NAALADL2: variants seen among roughly 807,000 people sequenced by gnomAD.
The protein encoded by NAALADL2 is N-acetylated alpha-linked acidic dipeptidase like 2.
Under a neutral mutation model 87.2 loss-of-function variants are expected in NAALADL2, and 76 were observed. That is an observed-to-expected ratio of 0.87 (90% CI 0.72 to 1.05). NAALADL2 has a LOEUF of 1.05. Ranked by LOEUF, NAALADL2 falls within the 50% of genes least tolerant of loss-of-function variation. NAALADL2 has a pLI of 0.00. For missense variants in NAALADL2, 1,089 were observed against 945.8 expected, an observed-to-expected ratio of 1.15 and a Z score of -1.99; for synonymous variants, 354 against 331.0, an observed-to-expected ratio of 1.07 and a Z score of -0.75.
chr3:174,710,872 C>A (rs1730561493), intron 2 of NAALADL2, among the ~76,000 whole-genome samples: 1 of 152,170 alleles, frequency 6.6e-6, no homozygotes, highest in African/African-American at 2.4e-5. Flanking sequence ...TTCAGCCTTG[C>A]TATTTACTGA....
At chr3:174,544,372 CTA>C (rs901238754) in intron 1 of NAALADL2, among the ~76,000 whole-genome samples, 2 of 151,914 alleles carry the variant, frequency 1.3e-5, no homozygotes, top group Non-Finnish European at 2.9e-5. Flanking sequence ...TTTATAATAA[CTA>C]TGTGAATATT....
At chr3:174,464,397 G>A (rs1166375204) in intron 1 of NAALADL2, among the ~76,000 whole-genome samples, 6 of 143,760 alleles carry the variant, frequency 4.2e-5, no homozygotes, top group Non-Finnish European at 9.1e-5. Flanking sequence ...TTTTTTTGGT[G>A]CAATTTTACC....
chr3:175,325,402 T>C (rs983874991), intron 5 of NAALADL2, among the ~76,000 whole-genome samples: 1 of 152,200 alleles, frequency 6.6e-6, no homozygotes, highest in African/African-American at 2.4e-5. Flanking sequence ...GATCTGTACT[T>C]TGTACAGTCC....
chr3:174,935,304 G>A (rs1737531744), intron 1 of NAALADL2, among the ~76,000 whole-genome samples: 2 of 152,216 alleles, frequency 1.3e-5, no homozygotes, highest in South Asian at 4.1e-4. Flanking sequence ...AGAGCCATTG[G>A]CAGATGCATG....
intron 2 of NAALADL2, among the ~76,000 whole-genome samples, chr3:174,724,143 A>G (rs149097432): frequency 7.0e-4 from 106 of 152,320 alleles, no homozygotes; most frequent in East Asian, 6.0e-3. Context: ...CTATTATTAC[A>G]TAGTAAACTA....
chr3:175,129,921 A>G (rs1369572969), intron 2 of NAALADL2, among the ~76,000 whole-genome samples: 2 of 152,152 alleles, frequency 1.3e-5, no homozygotes, highest in African/African-American at 4.8e-5. Context: ...GATTGTATCA[A>G]TTTACATTCC....
intron 3 of NAALADL2, among the ~76,000 whole-genome samples, chr3:174,755,397 G>T (rs1711910761): frequency 6.6e-6 from 1 of 152,174 alleles, no homozygotes; most frequent in Non-Finnish European, 1.5e-5. Flanking sequence ...TTATAAGTAT[G>T]TGGCTAATGA....
intron 10 of NAALADL2, among the ~76,000 whole-genome samples, chr3:175,583,427 C>T (rs1720079141): frequency 6.8e-6 from 1 of 148,100 alleles, no homozygotes; most frequent in African/African-American, 2.5e-5. Context: ...GCTTGTGAAT[C>T]GTGAATATGA....
intron 12 of NAALADL2, among the ~76,000 whole-genome samples, chr3:175,738,713 T>A (rs994917138): frequency 1.3e-5 from 2 of 152,202 alleles, no homozygotes; most frequent in African/African-American, 4.8e-5. Context: ...AATAGCCTCA[T>A]ATTGCTCTCC....
chr3:174,980,669 CTT>C (rs759925347), intron 1 of NAALADL2, among the ~76,000 whole-genome samples: 44 of 152,092 alleles, frequency 2.9e-4, no homozygotes, highest in Admixed American at 5.9e-4. Flanking sequence ...AATTTAATGA[CTT>C]TTTAAATTAG....
chr3:175,436,049 G>A (rs1718607552), intron 5 of NAALADL2, among the ~76,000 whole-genome samples: 1 of 130,976 alleles, frequency 7.6e-6, no homozygotes, highest in Non-Finnish European at 1.6e-5. Flanking sequence ...CCCTTCCTGT[G>A]TCCATGTGAT....
chr3:174,959,755 T>C (rs1163659106), intron 1 of NAALADL2, among the ~76,000 whole-genome samples: 1 of 152,108 alleles, frequency 6.6e-6, no homozygotes, highest in African/African-American at 2.4e-5. Flanking sequence ...TAATGCCTTT[T>C]ATCCAAGTGA....
chr3:174,546,880 G>C lies in NAALADL2; in HGVS notation c.-183-3689G>C, dbSNP rs187300390. Among the ~76,000 whole-genome samples the C allele has an allele frequency of 1.4e-3, 216 of 152,088 alleles. 1 individual carries two copies. Among genetic ancestry groups the C allele is most frequent in the African/African-American group, 5.1e-3 (212 of 41,510 alleles). On this transcript the variant is annotated intron_variant, in intron 1 of 3. Coordinates refer to the NAALADL2 transcript ENST00000434257. ...ACTATGTTGTCTAGGTTGGTTTACA[G>C]GTATGTAAATCTCTTGAATATTGTA...
At chr3:175,419,689 C>G (rs1715320168) in intron 5 of NAALADL2, among the ~76,000 whole-genome samples, 2 of 151,822 alleles carry the variant, frequency 1.3e-5, no homozygotes, top group South Asian at 4.1e-4. Flanking sequence ...TTATTACTGC[C>G]CATTTTCCCA....
intron 1 of NAALADL2, among the ~76,000 whole-genome samples, chr3:174,943,012 G>T (rs536743201): frequency 4.9e-4 from 75 of 152,156 alleles, no homozygotes; most frequent in African/African-American, 1.7e-3. Flanking sequence ...GTTTCTATAC[G>T]TATTCCAAAT....
chr3:175,603,972 A>G (rs1044470763), intron 10 of NAALADL2, among the ~76,000 whole-genome samples: 1 of 152,140 alleles, frequency 6.6e-6, no homozygotes, highest in Non-Finnish European at 1.5e-5. Flanking sequence ...TAGCCTGGGC[A>G]ATAGAGTAAA....
At chr3:174,731,334 A>C (rs1472880988) in intron 2 of NAALADL2, among the ~76,000 whole-genome samples, 1 of 152,084 alleles carries the variant, frequency 6.6e-6, no homozygotes, top group African/African-American at 2.4e-5. Flanking sequence ...TAGGTTTTAC[A>C]CTTTGGCACT....
intron 13 of NAALADL2, among the ~76,000 whole-genome samples, chr3:175,802,260 ACTT>A (rs1754256094): frequency 6.6e-6 from 1 of 151,508 alleles, no homozygotes; most frequent in African/African-American, 2.4e-5. Flanking sequence ...GTTTTGCACT[ACTT>A]CTCATATTTT....
intron 2 of NAALADL2, among the ~76,000 whole-genome samples, chr3:174,684,465 G>A (rs1727848689): frequency 6.6e-6 from 1 of 151,900 alleles, no homozygotes; most frequent in African/African-American, 2.4e-5. Context: ...ATTTTTTCAA[G>A]CTAGTTTGAG....
Sources: allele counts gnomAD v4.1 joint callset (sites outside exome capture counted in the v4.1 genomes callset), GRCh38; gene constraint gnomAD v4.1.1; transcripts MANE v1.5; gene names NCBI Gene and HGNC (gene_info 2026-07-23, HGNC 2026-07-21).